Variants in FAM110C observed in about 807,000 individuals in gnomAD.
FAM110C encodes family with sequence similarity 110 member C.
Under a neutral mutation model 15.7 loss-of-function variants are expected in FAM110C, and 19 were observed. The observed-to-expected ratio is 1.21, with a 90% CI of 0.85 to 1.78. FAM110C has a LOEUF of 1.78. Among genes scored for constraint, FAM110C ranks in the 40% most tolerant of loss-of-function variants. The pLI is 0.00. For missense variants in FAM110C, 547 were observed against 495.7 expected (o/e 1.10, Z -0.98); for synonymous variants, 275 against 233.9 (o/e 1.18, Z -1.61).
intron 1 of FAM110C, chr2:42,371 G>T: frequency 1.1e-6 from 1 of 946,364 alleles, no homozygotes; most frequent in Non-Finnish European, 1.3e-6. Context: ...TTTCCCAAAG[G>T]ACAAGTTATT....
At chr2:42,385 G>T in intron 1 of FAM110C, 1 of 888,460 alleles carries the variant, frequency 1.1e-6, no homozygotes, top group African/African-American at 1.8e-5. Context: ...AGTTATTTAT[G>T]CCAGTATTAA....
intron 1 of FAM110C, 122 bp from the exon 2 acceptor site, chr2:41,749 T>G: frequency 7.2e-7 from 1 of 1,384,754 alleles, no homozygotes; most frequent in East Asian, 2.7e-5. Flanking sequence ...TCTCTGCATT[T>G]TGAAACATCT....
rs1664317308 is a variant in FAM110C at position 46,465 on chromosome 2, C to G, written c.-80G>C. On this transcript the variant is annotated 5_prime_UTR_variant, in exon 1 of 2. Transcript: ENST00000327669. ...TGGTAGAGCCAGTCAGTCCCAGGGC[C>G]GGTTCCGAAGTCCGCGCCGGGTGGG... The G allele has an allele frequency of 8.7e-7, 1 of 1,144,216 alleles. No homozygotes were observed. Among genetic ancestry groups the G allele is most frequent in the Admixed American group, 4.3e-5 (1 of 23,382 alleles). 70.9% of individuals were successfully genotyped at this position (1,144,216 alleles called of 1,614,324 possible).
Position 46,055 on chromosome 2 carries a change from G to T in FAM110C, c.331C>A (p.Arg111=), listed in dbSNP as rs777080652. ...IIYRQKCEFV[R]GSGADGPRAS... is the part of the protein sequence containing the mutation. ...CTGGGGCCGTCGGCGCCCGATCCTC[G>T]CACGAATTCGCATTTCTGCCGGTAG... The change falls in exon 1 of 2, where the codon CGA becomes AGA. Residue 111 remains arginine (R), a synonymous_variant. Coordinates refer to ENST00000327669, the MANE Select transcript of FAM110C (RefSeq NM_001077710.3). The T allele has an allele frequency of 5.0e-5, 77 of 1,527,088 alleles. No individual in the cohort carries two copies. Among genetic ancestry groups the T allele is most frequent in the Non-Finnish European group, 6.6e-5 (75 of 1,143,826 alleles). The allele number at this position is 1,527,088 out of a possible 1,614,324, so 94.6% of individuals were successfully genotyped here.
At position 43,373 on chromosome 2, in the gene FAM110C, G is replaced by A. The variant is rs544328632; in HGVS notation, c.947-1746C>T. The A allele has an allele frequency of 1.2e-4, 116 of 985,408 alleles. No homozygotes were observed. In the Admixed American group the frequency reaches 1.4e-3, roughly 11 times the overall value. The allele number at this position is 985,408 out of a possible 1,614,324, so 61.0% of individuals were successfully genotyped here. A position where few individuals can be genotyped will look rare whatever the true frequency, so the allele number is the denominator to read the frequency against. ...AGTCTGGAACAAACGGGATTCAGGT[G>A]GAGGGAGACATGAGGGGAGGAAGAA... On this transcript the variant is annotated intron_variant, in intron 1 of 1. Coordinates refer to ENST00000327669, the MANE Select transcript of FAM110C (RefSeq NM_001077710.3).
rs142659027 is a variant in FAM110C at position 44,460 on chromosome 2, G to A, written c.946+980C>T. On this transcript the variant is annotated intron_variant, in intron 1 of 1. Coordinates refer to ENST00000327669, the MANE Select transcript of FAM110C (RefSeq NM_001077710.3). ...GCATCTTCACTTAGTTTATCACAAT[G>A]GCAGAAAATAATTTCATCTCATGAT... The A allele has an allele frequency of 3.5e-4, 345 of 985,244 alleles. 10 individuals are homozygous for A. In the East Asian group the frequency reaches 0.028, roughly 81 times the overall value. 61.0% of individuals were successfully genotyped at this position (985,244 alleles called of 1,614,324 possible).
intron 1 of FAM110C, chr2:44,350 T>C: frequency 1.0e-6 from 1 of 985,364 alleles, no homozygotes. Flanking sequence ...GAGAAATTAT[T>C]GGAGATATTT....
chr2:45,325 A>G, intron 1 of FAM110C, 115 bp downstream of exon 1: 4 of 1,446,842 alleles, frequency 2.8e-6, no homozygotes, highest in Non-Finnish European at 3.6e-6. Flanking sequence ...CTGTAGCTCA[A>G]AATCGCACTC....
rs1032860728 is a variant in FAM110C, at chr2:45,162, A to C, written c.946+278T>G. On this transcript the variant is annotated intron_variant, in intron 1 of 1. Transcript: ENST00000327669. ...TTCACAATAATAAGCCAAATGGGAC[A>C]TATTAATTTGCAGAATTGCCTTTCC... The C allele has an allele frequency of 7.1e-6, 7 of 985,340 alleles. No individual in the cohort carries two copies. In the African/African-American group the frequency reaches 1.2e-4, roughly 17 times the overall value. 61.0% of individuals were successfully genotyped at this position (985,340 alleles called of 1,614,324 possible). A position where few individuals can be genotyped will look rare whatever the true frequency, so the allele number is the denominator to read the frequency against.
chr2:45,894 GA>G lies in FAM110C; in HGVS notation c.491del (p.Ile164ThrfsTer29). The stretch of plus-strand genomic sequence containing the variant: ...GCGCGGCTGGGGCTGGGGTCTCGGG[GA>G]TTGCGGGGTCCGCCGCGGGGCCAGG... ...TTPGPAADPA[I>X]PETPAPAARS... On this transcript the variant is annotated frameshift_variant, in exon 1 of 2. Coordinates refer to ENST00000327669, the MANE Select transcript of FAM110C (RefSeq NM_001077710.3). LOFTEE classifies it high-confidence loss of function. The G allele has an allele frequency of 7.0e-7, 1 of 1,430,654 alleles. No individual in the cohort carries two copies. Among genetic ancestry groups the G allele is most frequent in the Non-Finnish European group, 9.0e-7 (1 of 1,106,806 alleles). 88.6% of individuals were successfully genotyped at this position (1,430,654 alleles called of 1,614,324 possible).
chr2:45,670 G>A lies in FAM110C; in HGVS notation c.716C>T (p.Ala239Val), dbSNP rs754287796. Residue 239 changes from alanine to valine, a missense_variant, in exon 1 of 2, where the codon GCG (alanine) becomes GTG (valine). Transcript: ENST00000327669. ...CTTGAGGGTCACACAGTCCGACCCCGCGGTGAAGTTCTCCCTCCCCAGGGC... is the reference window on the plus strand; with the variant it reads ...CTTGAGGGTCACACAGTCCGACCCCACGGTGAAGTTCTCCCTCCCCAGGGC... Reference protein sequence around the residue: ...VEALGRENFTAGSDCVTLKVR... With the variant: ...VEALGRENFTVGSDCVTLKVR... 1.2e-6 allele frequency: 2 copies of A among 1,608,272 alleles called. No homozygotes were observed. The highest frequency in any genetic ancestry group is 2.7e-5 in the African/African-American group (2 of 74,846).
chr2:44,393 A>C (rs1664219236), intron 1 of FAM110C: 2 of 985,302 alleles, frequency 2.0e-6, no homozygotes. Context: ...CCCTGTGCAA[A>C]CATCTCTTGG....
intron 1 of FAM110C, chr2:43,403 A>C (rs1055327767): frequency 3.0e-6 from 3 of 985,386 alleles, no homozygotes; most frequent in Non-Finnish European, 2.4e-6. Context: ...GAAGAAGCCC[A>C]TGAGCCTTTT....
In FAM110C at chr2:46,297, C is replaced by A. The variant is rs898299022; in HGVS notation, c.89G>T (p.Arg30Leu). The A allele has an allele frequency of 1.5e-6, 2 of 1,340,004 alleles. No individual in the cohort carries two copies. The highest frequency in any genetic ancestry group is 1.9e-5 in the South Asian group (1 of 51,384). 83.0% of individuals were successfully genotyped at this position (1,340,004 alleles called of 1,614,324 possible). Residue 30 changes from arginine to leucine, a missense_variant, in exon 1 of 2, where the codon CGG becomes CTG. Coordinates refer to ENST00000327669, the MANE Select transcript of FAM110C (RefSeq NM_001077710.3). ...PAATRDPDAARPARRSAVERL... is the reference protein window; with the variant it reads ...PAATRDPDAALPARRSAVERL... ...CTCCACTGCGCTCCTGCGCGCCGGC[C>A]GCGCGGCGTCGGGGTCCCGGGTAGC...
At position 45,627 on chromosome 2, in the gene FAM110C, G is replaced by T. The variant is rs570947526; in HGVS notation, c.759C>A (p.Val253=). Residue 253 remains valine, a synonymous_variant, in exon 1 of 2, where the codon GTC becomes GTA. Coordinates refer to ENST00000327669, the MANE Select transcript of FAM110C (RefSeq NM_001077710.3). ...CVTLKVRSVS[V]ATSGSGFSRH... ...GGGAGAAGCCGCTGCCGGAGGTGGC[G>T]ACGCTCACGCTGCGCACCTTGAGGG... is the stretch of plus-strand genomic sequence containing the variant. 21 of 1,613,000 alleles carry T rather than the reference G, an allele frequency of 1.3e-5. No individual in the cohort carries two copies. In the South Asian group the frequency reaches 2.2e-4, roughly 17 times the overall value.
In FAM110C at chr2:46,449, C is replaced by T; in HGVS notation, c.-64G>A. On this transcript the variant is annotated 5_prime_UTR_variant, in exon 1 of 2. Transcript: ENST00000327669. ...CGGAGACGCGCTCGAGTGGTAGAGC[C>T]AGTCAGTCCCAGGGCCGGTTCCGAA... is the stretch of plus-strand genomic sequence containing the variant. The T allele has an allele frequency of 8.4e-7, 1 of 1,196,614 alleles. No homozygotes were observed. Among genetic ancestry groups the T allele is most frequent in the Non-Finnish European group, 1.1e-6 (1 of 945,782 alleles). 74.1% of individuals were successfully genotyped at this position (1,196,614 alleles called of 1,614,324 possible).
At position 45,870 on chromosome 2, in the gene FAM110C, C is replaced by T. The variant is rs1457686519; in HGVS notation, c.516G>A (p.Ala172=). The change falls in exon 1 of 2, where the codon GCG becomes GCA. Residue 172 remains alanine, a synonymous_variant. Coordinates refer to ENST00000327669, the MANE Select transcript of FAM110C (RefSeq NM_001077710.3). ...PAIPETPAPA[A]RSAAPSSVPA... is the part of the protein sequence containing the mutation. ...GGACACTGGAGGGCGCCGCGGACCG[C>T]GCGGCTGGGGCTGGGGTCTCGGGGA... The T allele has an allele frequency of 7.4e-6, 11 of 1,488,932 alleles. No homozygotes were observed. The highest frequency in any genetic ancestry group is 1.8e-6 in the Non-Finnish European group (2 of 1,128,872). The allele number at this position is 1,488,932 out of a possible 1,614,324, so 92.2% of individuals were successfully genotyped here.
At chr2:42,276 T>C (rs1321768970) in intron 1 of FAM110C, 1 of 985,372 alleles carries the variant, frequency 1.0e-6, no homozygotes, top group Non-Finnish European at 1.2e-6. Context: ...ATTTCTTTTT[T>C]CTTTGTGTCA....
At chr2:44,956 G>A in intron 1 of FAM110C, 1 of 985,374 alleles carries the variant, frequency 1.0e-6, no homozygotes, top group Non-Finnish European at 1.2e-6. Context: ...TTCTGTTCCA[G>A]TAACACAGCA....
Sources: gnomAD v4.1 joint callset for allele counts on GRCh38, gnomAD v4.1.1 for gene constraint, MANE v1.5 for transcripts, NCBI Gene and HGNC (gene_info 2026-07-23, HGNC 2026-07-21) for gene names.